Variants in SLC25A1 observed in about 807,000 individuals in gnomAD.
SLC25A1 encodes tricarboxylate transport protein, mitochondrial.
SLC25A1 carries 26 observed loss-of-function variants against 38.1 expected under a neutral mutation model. That is an observed-to-expected ratio of 0.68 (90% confidence interval 0.50 to 0.95). SLC25A1 has a LOEUF of 0.95. SLC25A1 is among the 40% of genes least tolerant of loss of function. The pLI is 0.00. For missense variants in SLC25A1, 378 were observed against 426.6 expected (o/e 0.89, Z 1.00); for synonymous variants, 211 against 183.2 (o/e 1.15, Z -1.23).
At position 19,178,004 on chromosome 22, in the gene SLC25A1, G is replaced by T. The variant is rs1555923151; in HGVS notation, c.240C>A (p.Val80=). The change falls in exon 3 of 9, where the codon GTC becomes GTA. Residue 80 remains valine (V), a synonymous_variant. Coordinates refer to ENST00000215882, the MANE Select transcript of SLC25A1 (RefSeq NM_005984.5). The surrounding 1 kb of genome is among the most constrained non-coding windows in gnomAD (Gnocchi z 4.9). ...AGCTAAGGCCGCGGTACAGGCCCAGGACGCCATGGCTGCGAACCGTCTGCC... is the reference window on the plus strand; with the variant it reads ...AGCTAAGGCCGCGGTACAGGCCCAGTACGCCATGGCTGCGAACCGTCTGCC... ...CVRQTVRSHG[V]LGLYRGLSSL... is the part of the protein sequence containing the mutation. 7.5e-6 allele frequency: 12 copies of T among 1,602,770 alleles called. No individual in the cohort carries two copies. The highest frequency in any genetic ancestry group is 1.0e-5 in the Non-Finnish European group (12 of 1,176,684).
Position 19,175,763 on chromosome 22 carries a change from A to T in SLC25A1, c.*367T>A. On this transcript the variant is annotated 3_prime_UTR_variant, in exon 9 of 9. Transcript: ENST00000215882. ...GGCCCGGAGGCAGCTGTGGTAGGCC[A>T]GGGCAGGGTGGAAGGCACCGGACTG... 1 of 250,620 alleles carries T rather than the reference A, an allele frequency of 4.0e-6. No homozygotes were observed. Among genetic ancestry groups the T allele is most frequent in the East Asian group, 1.2e-4 (1 of 8,368 alleles). 15.5% of individuals were successfully genotyped at this position (250,620 alleles called of 1,614,324 possible). A position where few individuals can be genotyped will look rare whatever the true frequency, so the allele number is the denominator to read the frequency against.
chr22:19,177,352 C>T (rs1555922685), intron 4 of SLC25A1, 148 bp from the exon 5 acceptor site: 1 of 651,408 alleles, frequency 1.5e-6, no homozygotes, highest in Non-Finnish European at 2.6e-6. Flanking sequence ...GGGCTGCCCA[C>T]ACGGACCATG....
chr22:19,177,129 G>T lies in SLC25A1; in HGVS notation c.517C>A (p.Arg173=), dbSNP rs376959956. Reference sequence around the variant, plus strand: ...AGGTCGAGTGGCTCACCTTGTTCCCGCACAATCTCCCTAACCCCGTGGAAG... The same window carrying T: ...AGGTCGAGTGGCTCACCTTGTTCCCTCACAATCTCCCTAACCCCGTGGAAG... ...GFFHGVREIV[R]EQGLKGTYQG... Residue 173 remains arginine, a synonymous_variant, in exon 5 of 9, where the codon CGG becomes AGG. Transcript: ENST00000215882. 6.2e-7 allele frequency: 1 copy of T among 1,613,878 alleles called. No homozygotes were observed. The highest frequency in any genetic ancestry group is 8.5e-7 in the Non-Finnish European group (1 of 1,179,790).
At position 19,177,220 on chromosome 22, in the gene SLC25A1, A is replaced by G. The variant is rs2083975138; in HGVS notation, c.442-16T>C. 1.2e-6 allele frequency: 2 copies of G among 1,611,102 alleles called. No individual in the cohort carries two copies. Among genetic ancestry groups the G allele is most frequent in the Non-Finnish European group, 1.7e-6 (2 of 1,177,610 alleles). On this transcript the variant is annotated splice_polypyrimidine_tract_variant and intron_variant, in intron 4 of 8. Coordinates refer to ENST00000215882, the MANE Select transcript of SLC25A1 (RefSeq NM_005984.5). ...TGAACTTCACCTGAGAGAGAGAAGC[A>G]AAGGCGCAGGTTCTCGGCTGCCACC...
chr22:19,177,097 A>T (rs1555922599), intron 5 of SLC25A1, 23 bp downstream of exon 5: 1 of 1,611,358 alleles, frequency 6.2e-7, no homozygotes, highest in Non-Finnish European at 8.5e-7. Context: ...CCTGAGCCCT[A>T]TCAGGAAGGT....
rs1240398389 is a variant in SLC25A1, at chr22:19,178,381, C to T, written c.95-141G>A. 1.5e-5 allele frequency: 22 copies of T among 1,425,738 alleles called. No individual in the cohort carries two copies. Among genetic ancestry groups the T allele is most frequent in the Non-Finnish European group, 1.8e-5 (20 of 1,093,800 alleles). 88.3% of individuals were successfully genotyped at this position (1,425,738 alleles called of 1,614,324 possible). On this transcript the variant is annotated intron_variant, in intron 1 of 8. Coordinates refer to ENST00000215882, the MANE Select transcript of SLC25A1 (RefSeq NM_005984.5). This position sits in a 1 kb window ranked among gnomAD's most constrained non-coding sequence, Gnocchi z 4.9. The stretch of plus-strand genomic sequence containing the variant: ...AGGCTGGGGCCCCACGCCCCCATGC[C>T]CTCACCCCGTTGTCCCGGCGAGGCG...
rs1325967459 is a variant in SLC25A1 at position 19,177,980 on chromosome 22, G to T, written c.264C>A (p.Ser88Arg). ...TGGGGATGGAACCGTAGAGCAGGGA[G>T]CTAAGGCCGCGGTACAGGCCCAGGA... ...HGVLGLYRGL[S>R]SLLYGSIPKA... is the part of the protein sequence containing the mutation. The change falls in exon 3 of 9, where the codon AGC (serine) becomes AGA (arginine). Residue 88 changes from serine (S) to arginine (R), a missense_variant. By Grantham distance (110) the Ser-to-Arg change is moderately radical. Coordinates refer to ENST00000215882, the MANE Select transcript of SLC25A1 (RefSeq NM_005984.5). The T allele has an allele frequency of 6.2e-7, 1 of 1,604,696 alleles. No homozygotes were observed. Among genetic ancestry groups the T allele is most frequent in the South Asian group, 1.1e-5 (1 of 89,750 alleles).
chr22:19,177,814 C>A lies in SLC25A1; in HGVS notation c.354G>T (p.Arg118=). 8 of 1,610,834 alleles carry A rather than the reference C, an allele frequency of 5.0e-6. No individual in the cohort carries two copies. Among genetic ancestry groups the A allele is most frequent in the Non-Finnish European group, 6.8e-6 (8 of 1,179,302 alleles). The part of the protein sequence containing the change: ...LSNHMRDAQG[R]LDSTRGLLCG... The stretch of plus-strand genomic sequence containing the variant: ...ACAGCAGCCCACGCGTGCTGTCCAG[C>A]CGTCCCTGGGCATCCCGCATGTGGT... The change falls in exon 4 of 9, where the codon CGG becomes CGT. Residue 118 remains arginine (R), a synonymous_variant. Transcript: ENST00000215882.
intron 4 of SLC25A1, 146 bp downstream of exon 4, chr22:19,177,581 A>T: frequency 9.0e-7 from 1 of 1,105,380 alleles, no homozygotes; most frequent in Non-Finnish European, 1.3e-6. Context: ...GTCCTGCCCC[A>T]GGGCCCCGCG....
rs1555922052 is a variant in SLC25A1, at chr22:19,175,684, A to G, written c.*446T>C. 1.8e-5 allele frequency: 4 copies of G among 220,080 alleles called. No individual in the cohort carries two copies. Among genetic ancestry groups the G allele is most frequent in the South Asian group, 6.8e-5 (1 of 14,804 alleles). The allele number at this position is 220,080 out of a possible 1,614,324, so 13.6% of individuals were successfully genotyped here. A position where few individuals can be genotyped will look rare whatever the true frequency, so the allele number is the denominator to read the frequency against. ...AGGGCCCGAGGGCCAGTTAAGGCCA[A>G]TGGCGGGAGAAGCAGGGGGCTGCAG... On this transcript the variant is annotated 3_prime_UTR_variant, in exon 9 of 9. Transcript: ENST00000215882.
intron 6 of SLC25A1, 43 bp downstream of exon 6, chr22:19,176,803 A>T: frequency 6.2e-7 from 1 of 1,604,844 alleles, no homozygotes; most frequent in South Asian, 1.1e-5. Context: ...AGAGGAGAGG[A>T]GCTGGCCATG....
Position 19,178,284 on chromosome 22 carries a change from C to T in SLC25A1, c.95-44G>A, listed in dbSNP as rs1363220417. On this transcript the variant is annotated intron_variant, in intron 1 of 8. Transcript: ENST00000215882. This position sits in a 1 kb window ranked among gnomAD's most constrained non-coding sequence, Gnocchi z 4.9. ...CGCTCCTGAGACTCCCGCCCGGCCG[C>T]TGGCGCTCGGGCCCCTCCCCCGTCC... 5.2e-6 allele frequency: 8 copies of T among 1,539,788 alleles called. No homozygotes were observed. The highest frequency in any genetic ancestry group is 5.3e-6 in the Non-Finnish European group (6 of 1,142,578).
Position 19,175,781 on chromosome 22 carries a change from C to T in SLC25A1, c.*349G>A, listed in dbSNP as rs946785192. The T allele has an allele frequency of 1.1e-5, 2 of 182,660 alleles. No individual in the cohort carries two copies. The highest frequency in any genetic ancestry group is 9.5e-5 in the South Asian group (1 of 10,472). 11.3% of individuals were successfully genotyped at this position (182,660 alleles called of 1,614,324 possible). ...GTAGGCCAGGGCAGGGTGGAAGGCA[C>T]CGGACTGGGACCGGGCCAGGGCTAC... is the stretch of plus-strand genomic sequence containing the variant. On this transcript the variant is annotated 3_prime_UTR_variant, in exon 9 of 9. Coordinates refer to ENST00000215882, the MANE Select transcript of SLC25A1 (RefSeq NM_005984.5).
rs1555923238 is a variant in SLC25A1, at chr22:19,178,103, CCCGCGGCG to C, written c.202+22_202+29del. ...GTGCCGCCGCCCTGGGTACCCGCCC[CCCGCGGCG>C]CCGCGGCCTCCCCCTCCTCACCGAT... is the stretch of plus-strand genomic sequence containing the variant. On this transcript the variant is annotated intron_variant, in intron 2 of 8. Transcript: ENST00000215882. This position sits in a 1 kb window ranked among gnomAD's most constrained non-coding sequence, Gnocchi z 4.9. 3 of 1,532,170 alleles carry C rather than the reference CCCGCGGCG, an allele frequency of 2.0e-6. No homozygotes were observed. The highest frequency in any genetic ancestry group is 2.4e-5 in the South Asian group (2 of 82,430). 94.9% of individuals were successfully genotyped at this position (1,532,170 alleles called of 1,614,324 possible).
rs1484187505 is a variant in SLC25A1 at position 19,177,935 on chromosome 22, G to T, written c.302+7C>A. Reference sequence around the variant, plus strand: ...CCCTCCCGCAGCAGCCACCGGCCGGGCCTCACCTGACGGCCGCCTTGGGGA... The same window carrying T: ...CCCTCCCGCAGCAGCCACCGGCCGGTCCTCACCTGACGGCCGCCTTGGGGA... On this transcript the variant is annotated splice_region_variant and intron_variant, in intron 3 of 8. Transcript: ENST00000215882. The T allele has an allele frequency of 1.9e-6, 3 of 1,593,740 alleles. No homozygotes were observed.
rs782789596 is a variant in SLC25A1 at position 19,176,498 on chromosome 22, T to A, written c.748-4A>T. The A allele has an allele frequency of 6.2e-7, 1 of 1,613,786 alleles. No individual in the cohort carries two copies. The highest frequency in any genetic ancestry group is 1.7e-5 in the Admixed American group (1 of 60,028). On this transcript the variant is annotated splice_polypyrimidine_tract_variant and splice_region_variant and intron_variant, in intron 7 of 8. Coordinates refer to ENST00000215882, the MANE Select transcript of SLC25A1 (RefSeq NM_005984.5). ...GGTATTTGTGCGCCTCCAGGCCCTATGGGGGACATCAGCAGGCAGGGGCTC... is the reference window on the plus strand; with the variant it reads ...GGTATTTGTGCGCCTCCAGGCCCTAAGGGGGACATCAGCAGGCAGGGGCTC...
chr22:19,176,255 G>A lies in SLC25A1; in HGVS notation c.822-11C>T, dbSNP rs782758527. The A allele has an allele frequency of 2.0e-5, 32 of 1,602,826 alleles. No homozygotes were observed. The highest frequency in any genetic ancestry group is 5.1e-6 in the Non-Finnish European group (6 of 1,171,374). On this transcript the variant is annotated splice_polypyrimidine_tract_variant and intron_variant, in intron 8 of 8. Coordinates refer to ENST00000215882, the MANE Select transcript of SLC25A1 (RefSeq NM_005984.5). ...GTGCCCTTGTAGAATCTGGGTGGGAGGAGGGGCGGGGAGAGGAAGGCAGGT... is the reference window on the plus strand; with the variant it reads ...GTGCCCTTGTAGAATCTGGGTGGGAAGAGGGGCGGGGAGAGGAAGGCAGGT...
chr22:19,177,889 G>A (rs1555923050), intron 3 of SLC25A1, 24 bp from the exon 4 acceptor site: 6 of 1,587,876 alleles, frequency 3.8e-6, no homozygotes. Context: ...GCGGGTGAGA[G>A]GGGCTGCCGC....
chr22:19,177,684 G>A lies in SLC25A1; in HGVS notation c.441+43C>T, dbSNP rs370469350. 1.4e-4 allele frequency: 226 copies of A among 1,600,302 alleles called. 1 individual carries two copies. In the African/African-American group the frequency reaches 2.8e-3, roughly 20 times the overall value. ...CGGGCCAGCGGGGCCGCCCGTCTCC[G>A]TACTCCCTGCGTGTCCGGGGTCCTC... On this transcript the variant is annotated intron_variant, in intron 4 of 8. Coordinates refer to ENST00000215882, the MANE Select transcript of SLC25A1 (RefSeq NM_005984.5).
Sources: gnomAD v4.1 joint callset for allele counts on GRCh38, gnomAD v4.1.1 for gene constraint, Gnocchi (gnomAD v3.1) non-coding constraint, MANE v1.5 for transcripts, NCBI Gene and HGNC (gene_info 2026-07-23, HGNC 2026-07-21) for gene names.